Variants in NIBAN2 observed in about 807,000 individuals in gnomAD.
NIBAN2 encodes the protein protein Niban 2.
Under a neutral mutation model 81.8 loss-of-function variants are expected in NIBAN2, and 36 were observed. That is an observed-to-expected ratio of 0.44 (90% CI 0.34 to 0.58). The LOEUF (loss-of-function observed/expected upper bound fraction) is 0.58, where lower values mean the gene tolerates loss of function less well. Among genes scored for constraint, NIBAN2 ranks in the 20% least tolerant of loss-of-function variants. The probability of loss-of-function intolerance (pLI) is 0.02; values close to 1 mark genes in which losing one functional copy is unlikely to be tolerated. For missense variants in NIBAN2, 897 were observed against 1,014.1 expected, an observed-to-expected ratio of 0.88 and a Z score of 1.57; for synonymous variants, 445 against 441.6, an observed-to-expected ratio of 1.01 and a Z score of -0.10.
intron 8 of NIBAN2, 60 bp from the exon 9 acceptor site, chr9:127,510,393 C>A (rs1836714387): frequency 7.3e-7 from 1 of 1,369,080 alleles, no homozygotes; most frequent in South Asian, 1.4e-5. Flanking sequence ...CCAGCCATCC[C>A]AGAGCCCAGG....
intron 5 of NIBAN2, among the ~76,000 whole-genome samples, chr9:127,520,752 C>T (rs765189556): frequency 3.7e-4 from 56 of 152,128 alleles, no homozygotes; most frequent in Admixed American, 1.2e-3. Context: ...GGTGTGGTGG[C>T]ACACGCCTGT....
Position 127,516,891 on chromosome 9 carries a change from G to A in NIBAN2, c.939C>T (p.Ile313=). 1 of 1,614,228 alleles carries A rather than the reference G, an allele frequency of 6.2e-7. No individual in the cohort carries two copies. Among genetic ancestry groups the A allele is most frequent in the Non-Finnish European group, 8.5e-7 (1 of 1,180,022 alleles). ...TGCTGGCAAGGTGCTCCTTGGAGGT[G>A]ATAATTTGGTCCATGTCAGTTCGGA... The part of the protein sequence containing the change: ...AVIRTDMDQI[I]TSKEHLASKI... Residue 313 remains isoleucine, a synonymous_variant, in exon 8 of 14, where the codon ATC becomes ATT. Transcript: ENST00000373312.
Position 127,505,388 on chromosome 9 carries a change from A to G in NIBAN2, c.*1457T>C, listed in dbSNP as rs1041444559. 1.3e-5 allele frequency: 2 copies of G among 152,692 alleles called. No individual in the cohort carries two copies. Among genetic ancestry groups the G allele is most frequent in the African/African-American group, 4.8e-5 (2 of 41,460 alleles). 9.5% of individuals were successfully genotyped at this position (152,692 alleles called of 1,614,324 possible). Reference sequence around the variant, plus strand: ...ATTAGTAGAAGCATGAACAGTGTGCATAATATTTTCAATACAATATCAGGG... The same window carrying G: ...ATTAGTAGAAGCATGAACAGTGTGCGTAATATTTTCAATACAATATCAGGG... On this transcript the variant is annotated 3_prime_UTR_variant, in exon 14 of 14. Transcript: ENST00000373312.
intron 5 of NIBAN2, among the ~76,000 whole-genome samples, chr9:127,522,394 G>A (rs945861788): frequency 2.0e-5 from 3 of 152,248 alleles, no homozygotes; most frequent in Non-Finnish European, 4.4e-5. Context: ...AGGGTGGGGC[G>A]GGGGCAGGAG....
upstream of NIBAN2, among the ~76,000 whole-genome samples, chr9:127,573,391 T>G (rs543975079): frequency 5.3e-5 from 8 of 151,544 alleles, no homozygotes; most frequent in East Asian, 1.5e-3. Context: ...AAGAAATCAA[T>G]TATTGTAATA....
chr9:127,534,004 G>C (rs1386234852), intron 1 of NIBAN2, among the ~76,000 whole-genome samples: 1 of 152,230 alleles, frequency 6.6e-6, no homozygotes. Context: ...GTGTGCTCCT[G>C]GGTGCCCCCA....
At chr9:127,556,931 G>C (rs930961796) in intron 1 of NIBAN2, among the ~76,000 whole-genome samples, 1 of 152,156 alleles carries the variant, frequency 6.6e-6, no homozygotes. Context: ...AAATAAATTA[G>C]CCCCATGTGG....
rs1836603926 is a variant in NIBAN2 at position 127,506,749 on chromosome 9, C to G, written c.*96G>C. On this transcript the variant is annotated 3_prime_UTR_variant, in exon 14 of 14. Coordinates refer to ENST00000373312, the MANE Select transcript of NIBAN2 (RefSeq NM_022833.4). ...CACAGCCCTGCCCCGCCTCCACCCACAAGGCACAGACCAGGGTGCCCTCCC... is the reference window on the plus strand; with the variant it reads ...CACAGCCCTGCCCCGCCTCCACCCAGAAGGCACAGACCAGGGTGCCCTCCC... 1.7e-6 allele frequency: 2 copies of G among 1,209,198 alleles called. No homozygotes were observed. The highest frequency in any genetic ancestry group is 2.3e-6 in the Non-Finnish European group (2 of 873,602). 74.9% of individuals were successfully genotyped at this position (1,209,198 alleles called of 1,614,324 possible). A position where few individuals can be genotyped will look rare whatever the true frequency, so the allele number is the denominator to read the frequency against.
At chr9:127,560,614 G>A (rs1438741806) in intron 1 of NIBAN2, among the ~76,000 whole-genome samples, 1 of 152,116 alleles carries the variant, frequency 6.6e-6, no homozygotes, top group Non-Finnish European at 1.5e-5. Flanking sequence ...TGGGAACATT[G>A]CTTGCCCTGA....
intron 1 of NIBAN2, among the ~76,000 whole-genome samples, chr9:127,532,876 A>G (rs1476585932): frequency 6.6e-6 from 1 of 152,150 alleles, no homozygotes; most frequent in Non-Finnish European, 1.5e-5. Context: ...CTACAAAAAA[A>G]TACAAAAGTC....
At chr9:127,537,211 G>A (rs959091581) in intron 1 of NIBAN2, among the ~76,000 whole-genome samples, 1 of 152,110 alleles carries the variant, frequency 6.6e-6, no homozygotes, top group Non-Finnish European at 1.5e-5. Context: ...CCCTGCAAGC[G>A]CCTAGCTCTC....
chr9:127,531,169 C>T (rs572615833), intron 2 of NIBAN2, among the ~76,000 whole-genome samples: 2 of 109,640 alleles, frequency 1.8e-5, no homozygotes, highest in Non-Finnish European at 4.0e-5. Flanking sequence ...AACAGCAAGA[C>T]CCAGTCTGAA....
chr9:127,518,420 C>A (rs567963892), intron 5 of NIBAN2, among the ~76,000 whole-genome samples: 1 of 152,318 alleles, frequency 6.6e-6, no homozygotes, highest in African/African-American at 2.4e-5. Context: ...AGATCAGGGC[C>A]CTTCAAACTT....
rs895518828 is a variant in NIBAN2 at position 127,505,788 on chromosome 9, A to G, written c.*1057T>C. 2 of 152,520 alleles carry G rather than the reference A, an allele frequency of 1.3e-5. No homozygotes were observed. The highest frequency in any genetic ancestry group is 2.9e-5 in the Non-Finnish European group (2 of 68,296). 9.4% of individuals were successfully genotyped at this position (152,520 alleles called of 1,614,324 possible). Reference sequence around the variant, plus strand: ...GCCAGGCCCAGAGTGACTCACAAGGACATCCAAAGAAGGGACTGGATTTTC... The same window carrying G: ...GCCAGGCCCAGAGTGACTCACAAGGGCATCCAAAGAAGGGACTGGATTTTC... On this transcript the variant is annotated 3_prime_UTR_variant, in exon 14 of 14. Coordinates refer to ENST00000373312, the MANE Select transcript of NIBAN2 (RefSeq NM_022833.4).
chr9:127,541,825 C>T (rs1305985300), intron 1 of NIBAN2, among the ~76,000 whole-genome samples: 7 of 152,118 alleles, frequency 4.6e-5, no homozygotes, highest in South Asian at 4.1e-4. Flanking sequence ...AGAAGGGGTA[C>T]AACAGCAGAC....
rs1237821465 is a variant in NIBAN2 at position 127,568,867 on chromosome 9, T to C, written c.8A>G (p.Asp3Gly). The part of the protein sequence containing the change: MG[D>G]VLSTHLDDAR... ...GTCGTCCAGGTGCGTGGACAGCACG[T>C]CCCCCATGGCCAGGAGGTGTCGCGG... is the stretch of plus-strand genomic sequence containing the variant. Residue 3 changes from aspartate to glycine, a missense_variant, in exon 1 of 14, where the codon GAC becomes GGC. Physicochemically the swap from Asp to Gly is moderately conservative, Grantham distance 94. Around this residue, in one of 3 missense-constraint regions of NIBAN2, gnomAD observed 209 missense variants for 208.4 expected, o/e 1.00. Coordinates refer to ENST00000373312, the MANE Select transcript of NIBAN2 (RefSeq NM_022833.4). 3 of 1,358,694 alleles carry C rather than the reference T, an allele frequency of 2.2e-6. No individual in the cohort carries two copies. The highest frequency in any genetic ancestry group is 3.3e-5 in the East Asian group (1 of 29,916). The allele number at this position is 1,358,694 out of a possible 1,614,324, so 84.2% of individuals were successfully genotyped here.
At chr9:127,522,127 C>G (rs1348774427) in intron 5 of NIBAN2, among the ~76,000 whole-genome samples, 1 of 152,216 alleles carries the variant, frequency 6.6e-6, no homozygotes, top group East Asian at 1.9e-4. Flanking sequence ...GTGCCTCCAC[C>G]CAGTCCCAGC....
chr9:127,538,478 G>A lies in NIBAN2; in HGVS notation c.56-6700C>T, dbSNP rs146694950. 1.9e-4 allele frequency among the ~76,000 whole-genome samples: 29 copies of A among 152,190 alleles called. No individual in the cohort carries two copies. The East Asian group carries it at 5.2e-3, about 27-fold the overall frequency. On this transcript the variant is annotated intron_variant, in intron 1 of 13. Coordinates refer to ENST00000373312, the MANE Select transcript of NIBAN2 (RefSeq NM_022833.4). Reference sequence around the variant, plus strand: ...CATGGCTATTTAGAAACGCAGTTGTGTGGCCAGGCATGGTGATGCGTGCCT... The same window carrying A: ...CATGGCTATTTAGAAACGCAGTTGTATGGCCAGGCATGGTGATGCGTGCCT...
intron 1 of NIBAN2, among the ~76,000 whole-genome samples, chr9:127,562,608 C>T (rs1444767969): frequency 1.3e-5 from 2 of 152,212 alleles, no homozygotes; most frequent in East Asian, 3.8e-4. Flanking sequence ...CCACTAGCCC[C>T]GAACGATGCT....
Sources: gnomAD v4.1 joint callset for allele counts (sites outside exome capture counted in the v4.1 genomes callset) on GRCh38, gnomAD v4.1.1 for gene constraint, gnomAD v4.1.1 regional missense constraint, MANE v1.5 for transcripts, NCBI Gene and HGNC (gene_info 2026-07-23, HGNC 2026-07-21) for gene names.